The following DCBLD2 variants were observed in gnomAD, a reference collection of about 807,000 sequenced individuals.
The protein encoded by DCBLD2 is discoidin, CUB and LCCL domain containing 2, also known as discoidin, CUB and LCCL domain-containing protein 2.
DCBLD2 carries 54 observed loss-of-function variants against 86.8 expected under a neutral mutation model. That is an observed-to-expected ratio of 0.62 (90% CI 0.50 to 0.78). The LOEUF (loss-of-function observed/expected upper bound fraction) is 0.78, where lower values mean the gene tolerates loss of function less well. DCBLD2 is among the 30% of genes least tolerant of loss of function. The pLI is 0.00. For missense variants in DCBLD2, 908 were observed against 954.2 expected, an observed-to-expected ratio of 0.95 and a Z score of 0.64; for synonymous variants, 354 against 341.3, an observed-to-expected ratio of 1.04 and a Z score of -0.41.
chr3:98,878,104 T>C (rs773232125), intron 2 of DCBLD2, among the ~76,000 whole-genome samples: 13 of 152,178 alleles, frequency 8.5e-5, no homozygotes, highest in Non-Finnish European at 1.9e-4. Flanking sequence ...GTCCCAAATC[T>C]AGTGGGTATA....
At chr3:98,855,730 A>T (rs1456890479) in intron 2 of DCBLD2, among the ~76,000 whole-genome samples, 2 of 152,244 alleles carry the variant, frequency 1.3e-5, no homozygotes, top group African/African-American at 2.4e-5. Flanking sequence ...AATTTATAGC[A>T]TTCAGATGGG....
chr3:98,822,613 G>A, intron 5 of DCBLD2, 56 bp downstream of exon 5: 1 of 1,479,904 alleles, frequency 6.8e-7, no homozygotes, highest in Non-Finnish European at 9.1e-7. Flanking sequence ...CTACTCTGGA[G>A]TTCTAAAAAA....
At chr3:98,880,509 G>T (rs1487349290) in intron 2 of DCBLD2, among the ~76,000 whole-genome samples, 2 of 152,122 alleles carry the variant, frequency 1.3e-5, no homozygotes, top group Non-Finnish European at 2.9e-5. Flanking sequence ...CCCAGGAAGC[G>T]TTTAAGATAC....
At position 98,799,462 on chromosome 3, in the gene DCBLD2, G is replaced by C. The variant is rs750744764; in HGVS notation, c.2238C>G (p.Asp746Glu). The C allele has an allele frequency of 6.2e-7, 1 of 1,613,940 alleles. No individual in the cohort carries two copies. Among genetic ancestry groups the C allele is most frequent in the Admixed American group, 1.7e-5 (1 of 60,022 alleles). Residue 746 changes from aspartate (D) to glutamate (E), a missense_variant, in exon 16 of 16, where the codon GAC (aspartate) becomes GAG (glutamate). Asp to Glu is a conservative substitution (Grantham distance 45). Around this residue, in one of 3 missense-constraint regions of DCBLD2, gnomAD observed 606 missense variants for 678.5 expected, o/e 0.89. Transcript: ENST00000326840. The part of the protein sequence containing the change: ...KAGKPGLPAP[D>E]ELVYQVPQST... The stretch of plus-strand genomic sequence containing the variant: ...TCTGTGGCACCTGGTACACCAATTC[G>C]TCTGGGGCAGGTAGACCTGGCTTCC...
chr3:98,839,127 C>CTT (rs1264895435), intron 3 of DCBLD2, among the ~76,000 whole-genome samples: 5 of 20,870 alleles, frequency 2.4e-4, no homozygotes, highest in Non-Finnish European at 5.6e-4. Flanking sequence ...CTTTTTCTTT[C>CTT]TTTCCTTCCT....
At chr3:98,865,402 A>G (rs1282372495) in intron 2 of DCBLD2, among the ~76,000 whole-genome samples, 2 of 152,232 alleles carry the variant, frequency 1.3e-5, no homozygotes, top group Admixed American at 6.5e-5. Context: ...ACTCACATGT[A>G]GAATCTAAAA....
chr3:98,817,757 T>A lies in DCBLD2; in HGVS notation c.1212+12A>T. ...AAAATGTTTTTTAAAAATACCTTGG[T>A]AATCATTTTACCTTATCTTGCTCCA... On this transcript the variant is annotated intron_variant, in intron 9 of 15. Transcript: ENST00000326840. The A allele has an allele frequency of 6.2e-7, 1 of 1,612,308 alleles. No individual in the cohort carries two copies. Among genetic ancestry groups the A allele is most frequent in the Non-Finnish European group, 8.5e-7 (1 of 1,178,960 alleles).
At chr3:98,824,752 TGGACA>T in intron 4 of DCBLD2, among the ~76,000 whole-genome samples, 2 of 152,142 alleles carry the variant, frequency 1.3e-5, no homozygotes, top group Admixed American at 1.3e-4. Context: ...TAAGGAAATC[TGGACA>T]ACTGTTTTTT....
chr3:98,816,627 A>T (rs1432863982), intron 9 of DCBLD2, among the ~76,000 whole-genome samples: 1 of 152,222 alleles, frequency 6.6e-6, no homozygotes, highest in Non-Finnish European at 1.5e-5. Flanking sequence ...TAAGATGCAT[A>T]TGAAAGATAA....
At chr3:98,868,085 G>T (rs1401046385) in intron 2 of DCBLD2, among the ~76,000 whole-genome samples, 1 of 152,092 alleles carries the variant, frequency 6.6e-6, no homozygotes, top group African/African-American at 2.4e-5. Flanking sequence ...TTACAGGCGT[G>T]AGCCACCGTG....
chr3:98,882,417 CTCTT>C (rs1212857784), intron 1 of DCBLD2, among the ~76,000 whole-genome samples: 2 of 151,932 alleles, frequency 1.3e-5, no homozygotes, highest in Non-Finnish European at 2.9e-5. Flanking sequence ...TGAATGGAAG[CTCTT>C]TTTTTTTTAA....
intron 1 of DCBLD2, among the ~76,000 whole-genome samples, chr3:98,883,831 G>T (rs1056797531): frequency 2.0e-5 from 3 of 152,090 alleles, no homozygotes; most frequent in Non-Finnish European, 2.9e-5. Flanking sequence ...GACACAGAGG[G>T]CTGTAATAGA....
chr3:98,820,236 T>G lies in DCBLD2; in HGVS notation c.871+12A>C. ...TATAAATAAAAAATTATAAAGTCCA[T>G]AAAAGGCTTACCACTTGTCTTAAAT... On this transcript the variant is annotated intron_variant, in intron 7 of 15. Transcript: ENST00000326840. The G allele has an allele frequency of 3.5e-6, 5 of 1,441,564 alleles. No homozygotes were observed. Among genetic ancestry groups the G allele is most frequent in the Non-Finnish European group, 4.6e-6 (5 of 1,096,720 alleles). The allele number at this position is 1,441,564 out of a possible 1,614,324, so 89.3% of individuals were successfully genotyped here. A position where few individuals can be genotyped will look rare whatever the true frequency, so the allele number is the denominator to read the frequency against.
At chr3:98,827,421 C>A (rs1048250061) in intron 3 of DCBLD2, among the ~76,000 whole-genome samples, 2 of 152,204 alleles carry the variant, frequency 1.3e-5, no homozygotes, top group Non-Finnish European at 2.9e-5. Flanking sequence ...TGCCAGCTGG[C>A]CCCATTATCT....
rs989757063 is a variant in DCBLD2, at chr3:98,870,980, A to G, written c.433+10560T>C. The stretch of plus-strand genomic sequence containing the variant: ...TCTTTCATCAGTGTTTTGCAGTTCT[A>G]TGTGTAGAGATCTTTCACCTCTTTG... On this transcript the variant is annotated intron_variant, in intron 2 of 15. Transcript: ENST00000326840. Among the ~76,000 whole-genome samples, 8 of 148,656 alleles carry G rather than the reference A, an allele frequency of 5.4e-5. No individual in the cohort carries two copies. The East Asian group carries it at 9.7e-4, about 18-fold the overall frequency.
Position 98,799,250 on chromosome 3 carries a change from A to G in DCBLD2, c.*122T>C. The stretch of plus-strand genomic sequence containing the variant: ...AGTAGTTTCCTGTACCTCAGTCACC[A>G]CATTTTCCCCAACCACTTCAGTGAC... On this transcript the variant is annotated 3_prime_UTR_variant, in exon 16 of 16. Coordinates refer to ENST00000326840, the MANE Select transcript of DCBLD2 (RefSeq NM_080927.4). The G allele has an allele frequency of 2.7e-6, 3 of 1,101,688 alleles. No homozygotes were observed. The highest frequency in any genetic ancestry group is 1.6e-5 in the African/African-American group (1 of 63,158). The allele number at this position is 1,101,688 out of a possible 1,614,324, so 68.2% of individuals were successfully genotyped here. A position where few individuals can be genotyped will look rare whatever the true frequency, so the allele number is the denominator to read the frequency against.
At chr3:98,864,135 A>T (rs188211148) in intron 2 of DCBLD2, among the ~76,000 whole-genome samples, 197 of 152,346 alleles carry the variant, frequency 1.3e-3, no homozygotes, top group African/African-American at 4.5e-3. Flanking sequence ...AGAGAAATGC[A>T]AATCAAAACC....
chr3:98,808,152 A>C lies in DCBLD2; in HGVS notation c.1599T>G (p.Leu533=). The change falls in exon 13 of 16, where the codon CTT becomes CTG. Residue 533 remains leucine, a synonymous_variant. Transcript: ENST00000326840. ...VTKDVALAAV[L]VPVLVMVLTT... ...TGAGGACCATGACCAGCACAGGGAC[A>C]AGAACTGCAGCCAGCGCTACATCTG... 1 of 1,604,808 alleles carries C rather than the reference A, an allele frequency of 6.2e-7. No individual in the cohort carries two copies. The highest frequency in any genetic ancestry group is 8.5e-7 in the Non-Finnish European group (1 of 1,175,738).
intron 3 of DCBLD2, among the ~76,000 whole-genome samples, chr3:98,830,084 GTTTCT>G (rs1186502153): frequency 6.6e-6 from 1 of 151,978 alleles, no homozygotes; most frequent in East Asian, 1.9e-4. Flanking sequence ...GCTTTTTAAT[GTTTCT>G]TTTTTCTTGT....
Sources: gnomAD v4.1 joint callset for allele counts (sites outside exome capture counted in the v4.1 genomes callset) on GRCh38, gnomAD v4.1.1 for gene constraint, gnomAD v4.1.1 regional missense constraint, MANE v1.5 for transcripts, NCBI Gene and HGNC (gene_info 2026-07-23, HGNC 2026-07-21) for gene names.